Variants in RNF5 observed in about 807,000 individuals in gnomAD.
RNF5 encodes the protein E3 ubiquitin-protein ligase RNF5.
Under a neutral mutation model 24.4 loss-of-function variants are expected in RNF5, and 16 were observed. The observed-to-expected ratio is 0.66, with a 90% CI of 0.44 to 1.00. The LOEUF is 1.00. RNF5 is among the 50% of genes least tolerant of loss of function. The pLI is 0.00. For synonymous variants in RNF5, 64 were observed against 88.5 expected, an observed-to-expected ratio of 0.72 and a Z score of 1.55; for missense variants, 185 against 236.7, an observed-to-expected ratio of 0.78 and a Z score of 1.43.
Position 32,179,636 on chromosome 6 carries a change from C to T in RNF5, c.160-15C>T, listed in dbSNP as rs2127429538. 1.2e-6 allele frequency: 2 copies of T among 1,613,852 alleles called. No individual in the cohort carries two copies. Among genetic ancestry groups the T allele is most frequent in the Non-Finnish European group, 1.7e-6 (2 of 1,179,930 alleles). Reference sequence around the variant, plus strand: ...GACCCTCTTGTATACTGGAAACCACCTTTTTTCTCCCCAGTGGCTGGAGAC... The same window carrying T: ...GACCCTCTTGTATACTGGAAACCACTTTTTTTCTCCCCAGTGGCTGGAGAC... On this transcript the variant is annotated splice_polypyrimidine_tract_variant and intron_variant, in intron 2 of 5. Coordinates refer to ENST00000375094, the MANE Select transcript of RNF5 (RefSeq NM_006913.4). This position sits in a 1 kb window ranked among gnomAD's most constrained non-coding sequence, Gnocchi z 5.4.
At position 32,180,707 on chromosome 6, in the gene RNF5, A is replaced by G. The variant is rs1786028081; in HGVS notation, c.*381A>G. On this transcript the variant is annotated 3_prime_UTR_variant, in exon 6 of 6. Coordinates refer to ENST00000375094, the MANE Select transcript of RNF5 (RefSeq NM_006913.4). ...GATTTAATTTAATTTTTCACTCCCC[A>G]GAGTCTAATATGGATTCTGACTCTT... The G allele has an allele frequency of 2.8e-6, 1 of 352,394 alleles. No individual in the cohort carries two copies. The highest frequency in any genetic ancestry group is 5.0e-5 in the East Asian group (1 of 20,006). 21.8% of individuals were successfully genotyped at this position (352,394 alleles called of 1,614,324 possible).
chr6:32,178,426 G>T lies in RNF5; in HGVS notation c.-86G>T, dbSNP rs556290117. On this transcript the variant is annotated 5_prime_UTR_variant, in exon 1 of 6. Coordinates refer to ENST00000375094, the MANE Select transcript of RNF5 (RefSeq NM_006913.4). ...CCTTGAAGCCTGCCCAACGATCGTGGGCAGGAGGTGGTTTCTGGTTTGTTG... is the reference window on the plus strand; with the variant it reads ...CCTTGAAGCCTGCCCAACGATCGTGTGCAGGAGGTGGTTTCTGGTTTGTTG... 3 of 1,144,284 alleles carry T rather than the reference G, an allele frequency of 2.6e-6. No individual in the cohort carries two copies. The highest frequency in any genetic ancestry group is 2.6e-5 in the East Asian group (1 of 38,722). The allele number at this position is 1,144,284 out of a possible 1,614,324, so 70.9% of individuals were successfully genotyped here.
chr6:32,179,977 G>T lies in RNF5; in HGVS notation c.328-32G>T. 1 of 1,614,142 alleles carries T rather than the reference G, an allele frequency of 6.2e-7. No individual in the cohort carries two copies. The highest frequency in any genetic ancestry group is 8.5e-7 in the Non-Finnish European group (1 of 1,179,986). On this transcript the variant is annotated intron_variant, in intron 4 of 5. Coordinates refer to ENST00000375094, the MANE Select transcript of RNF5 (RefSeq NM_006913.4). The surrounding 1 kb of genome is among the most constrained non-coding windows in gnomAD (Gnocchi z 5.4). Reference sequence around the variant, plus strand: ...GTGTCCCTTCCTTGACAGATTTGCCGGCTTCCTGTCTGACTTTTTCTGCCT... The same window carrying T: ...GTGTCCCTTCCTTGACAGATTTGCCTGCTTCCTGTCTGACTTTTTCTGCCT...
At chr6:32,179,000 C>T (rs1385360562) in intron 1 of RNF5, among the ~76,000 whole-genome samples, 1 of 152,044 alleles carries the variant, frequency 6.6e-6, no homozygotes, top group Non-Finnish European at 1.5e-5. Context: ...TTAAGGGAGG[C>T]ACGCATCAGT....
Position 32,179,673 on chromosome 6 carries a change from G to A in RNF5, c.182G>A (p.Arg61Gln), listed in dbSNP as rs183637818. ...CAGTGGCTGGAGACACGGCCAGAAC[G>A]GCAAGAGTGTCCAGTATGTAAAGCT... ...LHQWLETRPERQECPVCKAGI... is the reference protein window; with the variant it reads ...LHQWLETRPEQQECPVCKAGI... The change falls in exon 3 of 6, where the codon CGG becomes CAG. Residue 61 changes from arginine (R) to glutamine (Q), a missense_variant. Transcript: ENST00000375094. The surrounding 1 kb of genome is among the most constrained non-coding windows in gnomAD (Gnocchi z 5.4). 114 of 1,614,098 alleles carry A rather than the reference G, an allele frequency of 7.1e-5. 1 individual carries two copies. The highest frequency in any genetic ancestry group is 2.5e-4 in the East Asian group (11 of 44,890).
rs770767056 is a variant in RNF5 at position 32,179,752 on chromosome 6, C to T, written c.261C>T (p.Pro87=). The change falls in exon 3 of 6, where the codon CCC becomes CCT. Residue 87 remains proline, a synonymous_variant. Coordinates refer to ENST00000375094, the MANE Select transcript of RNF5 (RefSeq NM_006913.4). The surrounding 1 kb of genome is among the most constrained non-coding windows in gnomAD (Gnocchi z 5.4). ...TTTATGGGCGAGGGAGCCAGAAGCC[C>T]CAGGATCCCAGGTGAGAGACTGGAG... ...VPLYGRGSQK[P]QDPRLKTPPR... is the part of the protein sequence containing the mutation. The T allele has an allele frequency of 1.2e-6, 2 of 1,614,014 alleles. No individual in the cohort carries two copies. Among genetic ancestry groups the T allele is most frequent in the South Asian group, 1.1e-5 (1 of 91,082 alleles).
Position 32,179,723 on chromosome 6 carries a change from C to G in RNF5, c.232C>G (p.Pro78Ala). 6.2e-7 allele frequency: 1 copy of G among 1,614,142 alleles called. No individual in the cohort carries two copies. Among genetic ancestry groups the G allele is most frequent in the South Asian group, 1.1e-5 (1 of 91,086 alleles). Residue 78 changes from proline (P) to alanine (A), a missense_variant, in exon 3 of 6, where the codon CCG (proline) becomes GCG (alanine). Pro to Ala is a conservative substitution (Grantham distance 27). Transcript: ENST00000375094. This position sits in a 1 kb window ranked among gnomAD's most constrained non-coding sequence, Gnocchi z 5.4. Reference protein sequence around the residue: ...KAGISREKVVPLYGRGSQKPQ... With the variant: ...KAGISREKVVALYGRGSQKPQ... ...TGGGATCAGCAGAGAGAAGGTTGTC[C>G]CGCTTTATGGGCGAGGGAGCCAGAA...
Position 32,179,218 on chromosome 6 carries a change from C to A in RNF5, c.141-323C>A, listed in dbSNP as rs1785862354. ...GGGGTTGGGGTTGAAAAGAGGAGAC[C>A]CAGAAAGAGGTGGCTGAAGGAAATT... On this transcript the variant is annotated intron_variant, in intron 1 of 5. Coordinates refer to ENST00000375094, the MANE Select transcript of RNF5 (RefSeq NM_006913.4). This position sits in a 1 kb window ranked among gnomAD's most constrained non-coding sequence, Gnocchi z 5.4. Among the ~76,000 whole-genome samples, 1 of 151,702 alleles carries A rather than the reference C, an allele frequency of 6.6e-6. No homozygotes were observed. Among genetic ancestry groups the A allele is most frequent in the Non-Finnish European group, 1.5e-5 (1 of 67,952 alleles).
rs148878374 is a variant in RNF5, at chr6:32,179,635, C to T, written c.160-16C>T. The T allele has an allele frequency of 1.9e-6, 3 of 1,611,294 alleles. No homozygotes were observed. Among genetic ancestry groups the T allele is most frequent in the Admixed American group, 1.7e-5 (1 of 59,974 alleles). On this transcript the variant is annotated splice_polypyrimidine_tract_variant and intron_variant, in intron 2 of 5. Transcript: ENST00000375094. The surrounding 1 kb of genome is among the most constrained non-coding windows in gnomAD (Gnocchi z 5.4). ...AGACCCTCTTGTATACTGGAAACCA[C>T]CTTTTTTCTCCCCAGTGGCTGGAGA...
Position 32,180,044 on chromosome 6 carries a change from C to T in RNF5, c.363C>T (p.His121=), listed in dbSNP as rs1215697348. 1.2e-6 allele frequency: 2 copies of T among 1,614,192 alleles called. No individual in the cohort carries two copies. The highest frequency in any genetic ancestry group is 1.7e-6 in the Non-Finnish European group (2 of 1,180,020). Residue 121 remains histidine (H), a synonymous_variant, in exon 5 of 6, where the codon CAC becomes CAT. Transcript: ENST00000375094. ...CATTTGGTGATACCGGGGGCTTCCA[C>T]TTCTCATTTGGTGTTGGTGCTTTTC... The part of the protein sequence containing the change: ...FQPFGDTGGF[H]FSFGVGAFPF...
Position 32,180,534 on chromosome 6 carries a change from G to C in RNF5, c.*208G>C. On this transcript the variant is annotated 3_prime_UTR_variant, in exon 6 of 6. Transcript: ENST00000375094. ...TCTGCTCAGAGGCTCACTCAGTAAC[G>C]TTGTTTAATTCTCTGCCCTGGGGAA... 2 of 582,078 alleles carry C rather than the reference G, an allele frequency of 3.4e-6. No individual in the cohort carries two copies. Among genetic ancestry groups the C allele is most frequent in the Non-Finnish European group, 6.1e-6 (2 of 327,406 alleles). 36.1% of individuals were successfully genotyped at this position (582,078 alleles called of 1,614,324 possible).
At position 32,180,395 on chromosome 6, in the gene RNF5, C is replaced by T. The variant is rs200758775; in HGVS notation, c.*69C>T. On this transcript the variant is annotated 3_prime_UTR_variant, in exon 6 of 6. Transcript: ENST00000375094. ...TATTGAGGGTCCCTGCTGACCCTTCCGTACTCCTGGACCCCCTTGACCCCT... is the reference window on the plus strand; with the variant it reads ...TATTGAGGGTCCCTGCTGACCCTTCTGTACTCCTGGACCCCCTTGACCCCT... The T allele has an allele frequency of 4.2e-5, 59 of 1,390,214 alleles. 1 individual carries two copies. The highest frequency in any genetic ancestry group is 2.4e-4 in the Middle Eastern group (1 of 4,098). The allele number at this position is 1,390,214 out of a possible 1,614,324, so 86.1% of individuals were successfully genotyped here.
At position 32,179,454 on chromosome 6, in the gene RNF5, G is replaced by A; in HGVS notation, c.141-87G>A. On this transcript the variant is annotated intron_variant, in intron 1 of 5. Transcript: ENST00000375094. This position sits in a 1 kb window ranked among gnomAD's most constrained non-coding sequence, Gnocchi z 5.4. The stretch of plus-strand genomic sequence containing the variant: ...AACAGCAGGTTGCTTGGGAAGAGGG[G>A]TTAGATGGGATTCTGCGAAGTCTAG... The A allele has an allele frequency of 6.5e-7, 1 of 1,546,656 alleles. No individual in the cohort carries two copies. The highest frequency in any genetic ancestry group is 8.9e-7 in the Non-Finnish European group (1 of 1,122,402).
In RNF5 at chr6:32,179,865, C is replaced by G. The variant is rs751298699; in HGVS notation, c.273-12C>G. 6.2e-7 allele frequency: 1 copy of G among 1,614,126 alleles called. No individual in the cohort carries two copies. Among genetic ancestry groups the G allele is most frequent in the South Asian group, 1.1e-5 (1 of 91,084 alleles). The stretch of plus-strand genomic sequence containing the variant: ...AAAAATCCCTGTTAACTTTCTCTCT[C>G]CACTTCCTCAGATTAAAAACTCCAC... On this transcript the variant is annotated splice_polypyrimidine_tract_variant and intron_variant, in intron 3 of 5. Coordinates refer to ENST00000375094, the MANE Select transcript of RNF5 (RefSeq NM_006913.4). This position sits in a 1 kb window ranked among gnomAD's most constrained non-coding sequence, Gnocchi z 5.4.
chr6:32,179,906 A>G lies in RNF5; in HGVS notation c.302A>G (p.Gln101Arg). 1.2e-6 allele frequency: 2 copies of G among 1,614,210 alleles called. No individual in the cohort carries two copies. The highest frequency in any genetic ancestry group is 1.1e-5 in the South Asian group (1 of 91,086). ...RLKTPPRPQG[Q>R]RPAPESRGGF... ...AAAACTCCACCCCGCCCCCAGGGCC[A>G]GAGACCAGCTCCGGAGAGCAGAGGG... is the stretch of plus-strand genomic sequence containing the variant. Residue 101 changes from glutamine to arginine, a missense_variant, in exon 4 of 6, where the codon CAG becomes CGG. Gln to Arg is a conservative substitution (Grantham distance 43, BLOSUM62 1). Transcript: ENST00000375094. The surrounding 1 kb of genome is among the most constrained non-coding windows in gnomAD (Gnocchi z 5.4).
chr6:32,178,584 T>A lies in RNF5; in HGVS notation c.73T>A (p.Phe25Ile). ...NRERGGAGAT[F>I]ECNICLETAR... is the part of the protein sequence containing the mutation. ...CGAGCGGGGCGGGGCGGGCGCGACCTTCGAATGTAATATATGTTTGGAGAC... is the reference window on the plus strand; with the variant it reads ...CGAGCGGGGCGGGGCGGGCGCGACCATCGAATGTAATATATGTTTGGAGAC... The change falls in exon 1 of 6, where the codon TTC (phenylalanine) becomes ATC (isoleucine). Residue 25 changes from phenylalanine (F) to isoleucine (I), a missense_variant. Physicochemically the swap from Phe to Ile is conservative, Grantham distance 21. Coordinates refer to ENST00000375094, the MANE Select transcript of RNF5 (RefSeq NM_006913.4). 1 of 1,610,916 alleles carries A rather than the reference T, an allele frequency of 6.2e-7. No individual in the cohort carries two copies. The highest frequency in any genetic ancestry group is 2.2e-5 in the East Asian group (1 of 44,846).
At position 32,179,743 on chromosome 6, in the gene RNF5, C is replaced by T. The variant is rs777733601; in HGVS notation, c.252C>T (p.Ser84=). 6.2e-7 allele frequency: 1 copy of T among 1,614,030 alleles called. No individual in the cohort carries two copies. ...TTGTCCCGCTTTATGGGCGAGGGAG[C>T]CAGAAGCCCCAGGATCCCAGGTGAG... ...EKVVPLYGRG[S]QKPQDPRLKT... Residue 84 remains serine, a synonymous_variant, in exon 3 of 6, where the codon AGC becomes AGT. Transcript: ENST00000375094. This position sits in a 1 kb window ranked among gnomAD's most constrained non-coding sequence, Gnocchi z 5.4.
At position 32,179,819 on chromosome 6, in the gene RNF5, C is replaced by T. The variant is rs775247192; in HGVS notation, c.272+56C>T. ...ATTGAAGGCTTCTGCCCTTGGAAAA[C>T]GGTGTGGAAGATGGGAGGAGAAAAA... is the stretch of plus-strand genomic sequence containing the variant. On this transcript the variant is annotated intron_variant, in intron 3 of 5. Coordinates refer to ENST00000375094, the MANE Select transcript of RNF5 (RefSeq NM_006913.4). This position sits in a 1 kb window ranked among gnomAD's most constrained non-coding sequence, Gnocchi z 5.4. 36 of 1,612,938 alleles carry T rather than the reference C, an allele frequency of 2.2e-5. No homozygotes were observed. Among genetic ancestry groups the T allele is most frequent in the Admixed American group, 5.0e-5 (3 of 59,976 alleles).
chr6:32,179,500 G>A lies in RNF5; in HGVS notation c.141-41G>A. 6.2e-7 allele frequency: 1 copy of A among 1,612,128 alleles called. No individual in the cohort carries two copies. The highest frequency in any genetic ancestry group is 8.5e-7 in the Non-Finnish European group (1 of 1,178,752). On this transcript the variant is annotated intron_variant, in intron 1 of 5. Coordinates refer to ENST00000375094, the MANE Select transcript of RNF5 (RefSeq NM_006913.4). This position sits in a 1 kb window ranked among gnomAD's most constrained non-coding sequence, Gnocchi z 5.4. ...TCTAGGGTCTGTGTCTCTCTTTTCTGTAGCTAGTTTGACCTTTTTTTTTTT... is the reference window on the plus strand; with the variant it reads ...TCTAGGGTCTGTGTCTCTCTTTTCTATAGCTAGTTTGACCTTTTTTTTTTT...
Sources: allele counts gnomAD v4.1 joint callset (sites outside exome capture counted in the v4.1 genomes callset), GRCh38; gene constraint gnomAD v4.1.1; non-coding constraint Gnocchi (gnomAD v3.1); transcripts MANE v1.5; gene names NCBI Gene and HGNC (gene_info 2026-07-23, HGNC 2026-07-21).